The following ADARB2 variants were observed in gnomAD, a reference collection of about 807,000 sequenced individuals.
ADARB2 encodes the protein adenosine deaminase RNA specific B2 (inactive), also known as inactive double-stranded RNA-specific editase B2.
A neutral mutation model predicts 62.2 loss-of-function variants in ADARB2; 25 were observed. The observed-to-expected ratio is 0.40, with a 90% CI of 0.29 to 0.56. The LOEUF is 0.56. Among genes scored for constraint, ADARB2 ranks in the 20% least tolerant of loss-of-function variants. The pLI is 0.43. For synonymous variants in ADARB2, 572 were observed against 500.8 expected, an observed-to-expected ratio of 1.14 and a Z score of -1.90; for missense variants, 1,071 against 1,077.4, an observed-to-expected ratio of 0.99 and a Z score of 0.08.
intron 1 of ADARB2, among the ~76,000 whole-genome samples, chr10:1,636,528 A>C (rs1247724615): frequency 6.6e-6 from 1 of 151,966 alleles, no homozygotes; most frequent in Non-Finnish European, 1.5e-5. Context: ...AACCAAAAGA[A>C]ATGGTGCCTA....
Position 1,552,641 on chromosome 10 carries a change from C to T in ADARB2, c.101-173481G>A, listed in dbSNP as rs908643851. Among the ~76,000 whole-genome samples the T allele has an allele frequency of 4.6e-5, 7 of 152,030 alleles. No individual in the cohort carries two copies. In the South Asian group the frequency reaches 6.2e-4, roughly 14 times the overall value. ...TTTTCTGGCCTGGTCCTGCCCGGCACTCAGCGAGGGGCTGCCAAGGTCGGC... is the reference window on the plus strand; with the variant it reads ...TTTTCTGGCCTGGTCCTGCCCGGCATTCAGCGAGGGGCTGCCAAGGTCGGC... On this transcript the variant is annotated intron_variant, in intron 1 of 9. Coordinates refer to ENST00000381312, the MANE Select transcript of ADARB2 (RefSeq NM_018702.4).
intron 1 of ADARB2, among the ~76,000 whole-genome samples, chr10:1,502,431 CT>C (rs1357649313): frequency 6.6e-6 from 1 of 152,264 alleles, no homozygotes; most frequent in Non-Finnish European, 1.5e-5. Context: ...ATAAAAGGTG[CT>C]TTTGCAAACT....
chr10:1,310,883 C>T (rs188873640), intron 3 of ADARB2, among the ~76,000 whole-genome samples: 6 of 152,324 alleles, frequency 3.9e-5, no homozygotes, highest in South Asian at 2.1e-4. Context: ...AAAGGTTGAA[C>T]TTAGTGACAA....
At chr10:1,510,031 TTC>T (rs1831902296) in intron 1 of ADARB2, among the ~76,000 whole-genome samples, 1 of 113,730 alleles carries the variant, frequency 8.8e-6, no homozygotes, top group African/African-American at 2.8e-5. Context: ...TTTTTTCTCT[TTC>T]TTTCTTTTCT....
intron 1 of ADARB2, among the ~76,000 whole-genome samples, chr10:1,585,899 T>A (rs1336352011): frequency 6.6e-6 from 1 of 151,984 alleles, no homozygotes; most frequent in Non-Finnish European, 1.5e-5. Context: ...CTGGGTGGGG[T>A]GGCGGGCGGC....
chr10:1,648,773 T>C (rs1285177436), intron 1 of ADARB2, among the ~76,000 whole-genome samples: 1 of 152,178 alleles, frequency 6.6e-6, no homozygotes, highest in African/African-American at 2.4e-5. Context: ...TGATGGTTGG[T>C]TAACTGAGCG....
chr10:1,539,110 G>A (rs942752708), intron 1 of ADARB2, among the ~76,000 whole-genome samples: 2 of 152,224 alleles, frequency 1.3e-5, no homozygotes, highest in African/African-American at 2.4e-5. Context: ...GCGGAGGGGA[G>A]GCAAGGCCAG....
At chr10:1,712,571 C>T (rs187444433) in intron 1 of ADARB2, among the ~76,000 whole-genome samples, 1 of 151,982 alleles carries the variant, frequency 6.6e-6, no homozygotes, top group Admixed American at 6.5e-5. Context: ...CCCCCCTTAT[C>T]CTACCCAGAA....
At chr10:1,734,309 T>C (rs1179858407) in intron 1 of ADARB2, among the ~76,000 whole-genome samples, 1 of 151,720 alleles carries the variant, frequency 6.6e-6, no homozygotes, top group Non-Finnish European at 1.5e-5. Context: ...TTTTTTTTTT[T>C]TTTTTTTAAA....
chr10:1,241,050 C>A (rs1204889409), intron 5 of ADARB2, among the ~76,000 whole-genome samples: 1 of 151,964 alleles, frequency 6.6e-6, no homozygotes, highest in Non-Finnish European at 1.5e-5. Flanking sequence ...ATAGGGTGAC[C>A]ACTTGAGGTT....
intron 1 of ADARB2, among the ~76,000 whole-genome samples, chr10:1,465,593 C>T (rs1831244372): frequency 6.6e-6 from 1 of 152,230 alleles, no homozygotes; most frequent in African/African-American, 2.4e-5. Flanking sequence ...AGGGCAATTC[C>T]CCTGTAGAGA....
chr10:1,266,517 G>GA (rs1831205590), intron 4 of ADARB2, among the ~76,000 whole-genome samples: 1 of 150,930 alleles, frequency 6.6e-6, no homozygotes, highest in Non-Finnish European at 1.5e-5. Context: ...GGGGTGGGGG[G>GA]GGGGCCGTGC....
chr10:1,247,219 G>A (rs1170035014), intron 4 of ADARB2, among the ~76,000 whole-genome samples: 2 of 152,168 alleles, frequency 1.3e-5, no homozygotes, highest in Non-Finnish European at 2.9e-5. Context: ...TCAGCTTAAG[G>A]AGATTTTGGG....
At chr10:1,242,794 C>T (rs569459949) in intron 4 of ADARB2, among the ~76,000 whole-genome samples, 2 of 152,192 alleles carry the variant, frequency 1.3e-5, no homozygotes, top group Non-Finnish European at 2.9e-5. Flanking sequence ...GCTGATGAAC[C>T]TGTCATACTA....
chr10:1,447,534 C>T (rs756184405), intron 1 of ADARB2, among the ~76,000 whole-genome samples: 25 of 151,504 alleles, frequency 1.7e-4, no homozygotes, highest in Non-Finnish European at 2.8e-4. Flanking sequence ...TGAGTGAAGA[C>T]AGATCATATG....
intron 4 of ADARB2, among the ~76,000 whole-genome samples, chr10:1,244,277 T>G (rs572111570): frequency 6.6e-6 from 1 of 152,382 alleles, no homozygotes; most frequent in East Asian, 1.9e-4. Context: ...ACCCCTCAGG[T>G]TCCAGCTTCG....
At chr10:1,680,921 A>C (rs1221633967) in intron 1 of ADARB2, among the ~76,000 whole-genome samples, 1 of 152,328 alleles carries the variant, frequency 6.6e-6, no homozygotes, top group East Asian at 1.9e-4. Flanking sequence ...ATCCCATAAT[A>C]ATCTTAATTG....
In ADARB2 at chr10:1,494,005, C is replaced by T. The variant is rs11250568; in HGVS notation, c.101-114845G>A. ...TCCTGACCTTGTGATCCACCTGCCT[C>T]GGCCTCCCAAAGTGCTGGGATTACA... is the stretch of plus-strand genomic sequence containing the variant. On this transcript the variant is annotated intron_variant, in intron 1 of 9. Transcript: ENST00000381312. 5.9e-4 allele frequency among the ~76,000 whole-genome samples: 90 copies of T among 151,994 alleles called. No individual in the cohort carries two copies. The East Asian group carries it at 0.016, about 27-fold the overall frequency.
chr10:1,328,591 A>C (rs1204449668), intron 3 of ADARB2, among the ~76,000 whole-genome samples: 1 of 152,168 alleles, frequency 6.6e-6, no homozygotes, highest in East Asian at 1.9e-4. Flanking sequence ...GGAGCGGGAC[A>C]GCCTCCTGGG....
Sources: gnomAD v4.1 joint callset for allele counts (sites outside exome capture counted in the v4.1 genomes callset) on GRCh38, gnomAD v4.1.1 for gene constraint, MANE v1.5 for transcripts, NCBI Gene and HGNC (gene_info 2026-07-23, HGNC 2026-07-21) for gene names.